LIPH: variants seen among roughly 807,000 people sequenced by gnomAD.
The protein encoded by LIPH is lipase H, also known as lipase member H.
In LIPH, 32 loss-of-function variants were observed where a neutral mutation model predicts 47.6. That is an observed-to-expected ratio of 0.67 (90% CI 0.51 to 0.90). The LOEUF (loss-of-function observed/expected upper bound fraction) is 0.90, where lower values mean the gene tolerates loss of function less well. Among genes scored for constraint, LIPH ranks in the 40% least tolerant of loss-of-function variants. LIPH has a pLI of 0.00. For missense variants in LIPH, 497 were observed against 541.4 expected, an observed-to-expected ratio of 0.92 and a Z score of 0.81; for synonymous variants, 190 against 195.6, an observed-to-expected ratio of 0.97 and a Z score of 0.24.
At chr3:185,532,800 AAAT>A (rs1445353047) in intron 3 of LIPH, among the ~76,000 whole-genome samples, 1 of 151,908 alleles carries the variant, frequency 6.6e-6, no homozygotes, top group Non-Finnish European at 1.5e-5. Context: ...AAAAATAAAT[AAAT>A]AATAAAATAA....
rs970438425 is a variant in LIPH, at chr3:185,508,607, C to T, written c.*183G>A. ...CTTGCCCTAGTTAGGGGCTCCTTCCCAGGATCGTTTTATAATCACAAGGTT... is the reference window on the plus strand; with the variant it reads ...CTTGCCCTAGTTAGGGGCTCCTTCCTAGGATCGTTTTATAATCACAAGGTT... On this transcript the variant is annotated 3_prime_UTR_variant, in exon 10 of 10. Transcript: ENST00000296252. 3.4e-5 allele frequency: 21 copies of T among 615,362 alleles called. 1 individual carries two copies. Among genetic ancestry groups the T allele is most frequent in the African/African-American group, 3.7e-5 (2 of 54,210 alleles). 38.1% of individuals were successfully genotyped at this position (615,362 alleles called of 1,614,324 possible).
At chr3:185,515,394 G>A (rs988983979) in intron 7 of LIPH, among the ~76,000 whole-genome samples, 3 of 152,122 alleles carry the variant, frequency 2.0e-5, no homozygotes, top group Non-Finnish European at 4.4e-5. Context: ...GGTCAGTCCT[G>A]GATTTGCCAT....
intron 4 of LIPH, among the ~76,000 whole-genome samples, chr3:185,525,536 G>C (rs1720042104): frequency 6.6e-6 from 1 of 152,006 alleles, no homozygotes; most frequent in African/African-American, 2.4e-5. Context: ...CTAGCACTTT[G>C]GGAGGCCAAG....
chr3:185,511,393 T>C, intron 9 of LIPH, 131 bp downstream of exon 9: 1 of 880,588 alleles, frequency 1.1e-6, no homozygotes, highest in Admixed American at 1.9e-5. Context: ...TAAAAACTAT[T>C]TTTGGAAAAC....
intron 5 of LIPH, among the ~76,000 whole-genome samples, chr3:185,522,510 G>GGGAA (rs1719923595): frequency 6.9e-6 from 1 of 145,792 alleles, no homozygotes; most frequent in Non-Finnish European, 1.5e-5. Context: ...GAAGGAAGGA[G>GGGAA]GGAAGGAAGG....
At chr3:185,515,296 A>T (rs1719694508) in intron 7 of LIPH, among the ~76,000 whole-genome samples, 1 of 150,624 alleles carries the variant, frequency 6.6e-6, no homozygotes, top group African/African-American at 2.5e-5. Context: ...ATAATGTCTT[A>T]TGGGTTTTTT....
intron 6 of LIPH, among the ~76,000 whole-genome samples, chr3:185,517,864 C>T (rs1345883099): frequency 1.3e-5 from 2 of 152,296 alleles, no homozygotes; most frequent in Middle Eastern, 3.4e-3. Context: ...AGAAAATCCT[C>T]ATGACCATCC....
intron 7 of LIPH, among the ~76,000 whole-genome samples, chr3:185,515,274 A>G (rs1719693984): frequency 6.6e-6 from 1 of 152,162 alleles, no homozygotes; most frequent in Non-Finnish European, 1.5e-5. Flanking sequence ...CATCTATACA[A>G]ATGTTACCTG....
intron 1 of LIPH, among the ~76,000 whole-genome samples, chr3:185,547,230 T>A (rs1720903985): frequency 6.6e-6 from 1 of 152,148 alleles, no homozygotes; most frequent in African/African-American, 2.4e-5. Context: ...AAACCTACAT[T>A]ACAGAAGTGA....
chr3:185,510,576 T>C (rs1265851860), intron 9 of LIPH, among the ~76,000 whole-genome samples: 1 of 152,188 alleles, frequency 6.6e-6, no homozygotes, highest in Non-Finnish European at 1.5e-5. Context: ...ATTTAAGAAA[T>C]TCAATATAAT....
Position 185,511,608 on chromosome 3 carries a change from A to T in LIPH, c.1184T>A (p.Met395Lys). The part of the protein sequence containing the change: ...DLDKVAAISL[M>K]FSTGSLIGPR... ...GCCTATTAGAGATCCTGTAGAGAAC[A>T]TCAAGGAAATTGCAGCCACTTTATC... The change falls in exon 9 of 10, where the codon ATG becomes AAG. Residue 395 changes from methionine to lysine, a missense_variant. Coordinates refer to ENST00000296252, the MANE Select transcript of LIPH (RefSeq NM_139248.3). The T allele has an allele frequency of 6.2e-7, 1 of 1,613,544 alleles. No homozygotes were observed. Among genetic ancestry groups the T allele is most frequent in the Non-Finnish European group, 8.5e-7 (1 of 1,179,454 alleles).
chr3:185,531,137 T>C (rs1305634217), intron 3 of LIPH, among the ~76,000 whole-genome samples: 1 of 152,188 alleles, frequency 6.6e-6, no homozygotes, highest in Non-Finnish European at 1.5e-5. Context: ...AGCGGATAGA[T>C]ACGGAGCCCC....
chr3:185,536,662 AC>A (rs925292605), intron 1 of LIPH, among the ~76,000 whole-genome samples: 4 of 151,896 alleles, frequency 2.6e-5, no homozygotes, highest in Non-Finnish European at 4.4e-5. Flanking sequence ...CACAAAACCA[AC>A]CCCCCCAAAT....
At chr3:185,527,397 G>T in intron 4 of LIPH, 87 bp downstream of exon 4, 1 of 932,414 alleles carries the variant, frequency 1.1e-6, no homozygotes, top group Non-Finnish European at 1.8e-6. Context: ...AGAGGAACCT[G>T]ATCTGCTCCT....
chr3:185,526,706 A>T (rs1013870766), intron 4 of LIPH, among the ~76,000 whole-genome samples: 1 of 143,980 alleles, frequency 6.9e-6, no homozygotes, highest in African/African-American at 2.6e-5. Flanking sequence ...ATAAAATAAA[A>T]TAAATAAAAT....
chr3:185,518,068 G>A (rs1719786609), intron 6 of LIPH, among the ~76,000 whole-genome samples: 1 of 152,098 alleles, frequency 6.6e-6, no homozygotes, highest in Admixed American at 6.6e-5. Flanking sequence ...GGCTCATTGT[G>A]GACCCTCTCC....
At chr3:185,521,152 G>A (rs1719889779) in intron 5 of LIPH, among the ~76,000 whole-genome samples, 1 of 152,144 alleles carries the variant, frequency 6.6e-6, no homozygotes, top group Non-Finnish European at 1.5e-5. Flanking sequence ...TCAGGCATGA[G>A]CCACCATACC....
chr3:185,533,995 G>A (rs112306592), intron 2 of LIPH, among the ~76,000 whole-genome samples: 5,836 of 152,198 alleles, frequency 0.038, 173 homozygotes, highest in South Asian at 0.12. Flanking sequence ...AGGCCGAGGC[G>A]GGCAGATCAC....
intron 8 of LIPH, 38 bp from the exon 9 acceptor site, chr3:185,511,735 C>T (rs1465331420): frequency 1.3e-6 from 2 of 1,482,938 alleles, no homozygotes; most frequent in Non-Finnish European, 1.9e-6. Context: ...TGGATAAAGA[C>T]TACTAATGAG....
Sources: allele counts gnomAD v4.1 joint callset (sites outside exome capture counted in the v4.1 genomes callset), GRCh38; gene constraint gnomAD v4.1.1; transcripts MANE v1.5; gene names NCBI Gene and HGNC (gene_info 2026-07-23, HGNC 2026-07-21).